PPFIA1: variants seen among roughly 807,000 people sequenced by gnomAD.
PPFIA1 encodes PPFI scaffold protein A1, also known as liprin-alpha-1.
A neutral mutation model predicts 149.9 loss-of-function variants in PPFIA1; 25 were observed. That is an observed-to-expected ratio of 0.17 (90% CI 0.12 to 0.23). PPFIA1 has a LOEUF of 0.23. PPFIA1 is among the 10% of genes least tolerant of loss of function. The pLI, the probability that PPFIA1 is intolerant of heterozygous loss-of-function variation, is 1.00. For synonymous variants in PPFIA1, 549 were observed against 552.8 expected (o/e 0.99, Z 0.10); for missense variants, 1,362 against 1,506.5 (o/e 0.90, Z 1.59).
At chr11:70,310,423 G>T (rs562389211) in intron 2 of PPFIA1, among the ~76,000 whole-genome samples, 2 of 138,130 alleles carry the variant, frequency 1.4e-5, no homozygotes, top group Non-Finnish European at 3.0e-5. Flanking sequence ...GTCTTGCTCT[G>T]TCGACAGGCT....
At chr11:70,314,689 TTTTTA>T (rs2053492281) in intron 2 of PPFIA1, among the ~76,000 whole-genome samples, 2 of 152,202 alleles carry the variant, frequency 1.3e-5, no homozygotes, top group African/African-American at 4.8e-5. Flanking sequence ...GTACTATGTT[TTTTTA>T]ACTCAATATT....
rs369213623 is a variant in PPFIA1 at position 70,373,154 on chromosome 11, GA to G, written c.3139+581del. Among the ~76,000 whole-genome samples the G allele has an allele frequency of 1.6e-3, 247 of 152,350 alleles. 2 individuals are homozygous for G. Among genetic ancestry groups the G allele is most frequent in the African/African-American group, 5.8e-3 (241 of 41,574 alleles). On this transcript the variant is annotated intron_variant, in intron 23 of 27. Transcript: ENST00000253925. ...GTGAGACATTCATCCAGAAGACGTG[GA>G]GTTGGTTCTCTTCTCCGTTGGGGAG...
rs753713376 is a variant in PPFIA1 at position 70,326,679 on chromosome 11, G to A, written c.791G>A (p.Arg264Lys). The A allele has an allele frequency of 2.8e-5, 45 of 1,614,130 alleles. No homozygotes were observed. In the South Asian group the frequency reaches 4.0e-4, roughly 14 times the overall value. The change falls in exon 7 of 28, where the codon AGG becomes AAG. Residue 264 changes from arginine to lysine, a missense_variant. Around this residue, in one of 7 missense-constraint regions of PPFIA1, gnomAD observed 733 missense variants for 744.1 expected, o/e 0.99. Coordinates refer to ENST00000253925, the MANE Select transcript of PPFIA1 (RefSeq NM_003626.5). ...ELQEIISKQS[R>K]EQSQMKERLA... Reference sequence around the variant, plus strand: ...CAAGAAATCATAAGTAAGCAGTCAAGGGAACAGAGCCAAATGAAAGAACGC... The same window carrying A: ...CAAGAAATCATAAGTAAGCAGTCAAAGGAACAGAGCCAAATGAAAGAACGC...
intron 15 of PPFIA1, 84 bp from the exon 16 acceptor site, chr11:70,348,105 A>G (rs2055828440): frequency 6.1e-6 from 7 of 1,141,488 alleles, no homozygotes; most frequent in Admixed American, 1.9e-5. Flanking sequence ...ATAGTAATAC[A>G]GAGTATAAGC....
intron 27 of PPFIA1, among the ~76,000 whole-genome samples, chr11:70,382,795 A>C (rs1347514857): frequency 6.6e-6 from 1 of 152,224 alleles, no homozygotes; most frequent in Non-Finnish European, 1.5e-5. Flanking sequence ...GCCAAAATGA[A>C]GTCAGCCAAG....
intron 12 of PPFIA1, among the ~76,000 whole-genome samples, chr11:70,337,711 A>G (rs972178913): frequency 3.3e-5 from 5 of 152,240 alleles, no homozygotes; most frequent in African/African-American, 7.2e-5. Context: ...GAAATATAAT[A>G]TGAGCTGCAT....
chr11:70,273,503 T>G (rs1163162376), intron 2 of PPFIA1, among the ~76,000 whole-genome samples: 1 of 152,150 alleles, frequency 6.6e-6, no homozygotes, highest in Non-Finnish European at 1.5e-5. Context: ...ATAAGTGCCT[T>G]TGGGGTGCAT....
At chr11:70,381,857 G>A (rs1053298705) in intron 26 of PPFIA1, among the ~76,000 whole-genome samples, 2 of 152,164 alleles carry the variant, frequency 1.3e-5, no homozygotes, top group Non-Finnish European at 2.9e-5. Context: ...TTGGTATTTC[G>A]GAGTAGTGTT....
intron 9 of PPFIA1, among the ~76,000 whole-genome samples, chr11:70,332,700 C>T (rs1480674112): frequency 6.6e-6 from 1 of 152,196 alleles, no homozygotes; most frequent in East Asian, 1.9e-4. Flanking sequence ...CTGGGATCGG[C>T]GAGTACCCAG....
intron 15 of PPFIA1, chr11:70,346,066 G>T (rs954893044): frequency 5.0e-6 from 2 of 400,726 alleles, no homozygotes; most frequent in African/African-American, 4.2e-5. Flanking sequence ...AGCAACTTTA[G>T]CAGTTATAAT....
intron 9 of PPFIA1, among the ~76,000 whole-genome samples, chr11:70,332,798 G>A (rs1032204309): frequency 6.6e-6 from 1 of 152,200 alleles, no homozygotes; most frequent in African/African-American, 2.4e-5. Context: ...AGGAGCTGAG[G>A]CCCCTGTCTG....
chr11:70,344,955 C>T (rs2055596175), intron 15 of PPFIA1, among the ~76,000 whole-genome samples: 1 of 152,156 alleles, frequency 6.6e-6, no homozygotes, highest in African/African-American at 2.4e-5. Context: ...AAGGCTGGAG[C>T]CACAGAAAGA....
intron 2 of PPFIA1, among the ~76,000 whole-genome samples, chr11:70,277,060 A>ATTTTTTTTTTTTTT (rs1555076271): frequency 1.5e-5 from 1 of 66,310 alleles, no homozygotes; most frequent in African/African-American, 1.2e-4. Context: ...ATATATATAT[A>ATTTTTTTTTTTTTT]TTTTTTTTTT....
chr11:70,340,393 T>C (rs1343885804), intron 14 of PPFIA1, among the ~76,000 whole-genome samples: 2 of 152,216 alleles, frequency 1.3e-5, no homozygotes, highest in Non-Finnish European at 1.5e-5. Flanking sequence ...GTGAGCTCTA[T>C]GATTGCACCA....
intron 19 of PPFIA1, chr11:70,358,733 T>A (rs996482439): frequency 2.0e-5 from 3 of 152,342 alleles, no homozygotes; most frequent in Admixed American, 2.0e-4. Context: ...ACTTAAGGAA[T>A]CTGGTGAGTT....
At chr11:70,365,820 TAG>T (rs1229154051) in intron 21 of PPFIA1, 1 of 401,680 alleles carries the variant, frequency 2.5e-6, no homozygotes, top group Non-Finnish European at 4.9e-6. Flanking sequence ...GATGCTTTGA[TAG>T]TCTGAACTTT....
intron 2 of PPFIA1, among the ~76,000 whole-genome samples, chr11:70,280,288 G>T (rs561057490): frequency 6.1e-4 from 92 of 151,568 alleles, no homozygotes; most frequent in African/African-American, 2.2e-3. Flanking sequence ...GAGACAGGTG[G>T]CTGGGTGCAG....
intron 2 of PPFIA1, among the ~76,000 whole-genome samples, chr11:70,315,322 G>T (rs2053541270): frequency 6.6e-6 from 1 of 152,060 alleles, no homozygotes; most frequent in African/African-American, 2.4e-5. Flanking sequence ...TGAAGTTTGT[G>T]GTCTTCTTTT....
At chr11:70,354,582 T>C (rs2056254770) in intron 17 of PPFIA1, 130 bp downstream of exon 17, 2 of 1,032,292 alleles carry the variant, frequency 1.9e-6, no homozygotes, top group African/African-American at 3.3e-5. Flanking sequence ...GTTGAGTGTA[T>C]TTACATGTTA....
Sources: allele counts gnomAD v4.1 joint callset (sites outside exome capture counted in the v4.1 genomes callset), GRCh38; gene constraint gnomAD v4.1.1; regional missense constraint gnomAD v4.1.1; transcripts MANE v1.5; gene names NCBI Gene and HGNC (gene_info 2026-07-23, HGNC 2026-07-21).